The following TG variants were observed in gnomAD, a reference collection of about 807,000 sequenced individuals.
TG encodes the protein thyroglobulin, also known as thyroid hormones.
In TG, 270 loss-of-function variants were observed where a neutral mutation model predicts 324.7. The ratio of observed to expected loss-of-function variants is 0.83; its 90% CI spans 0.75 to 0.92. TG has a LOEUF of 0.92. Ranked by LOEUF, TG falls within the 40% of genes least tolerant of loss-of-function variation. The pLI is 0.00. For missense variants in TG, 3,591 were observed against 3,456.4 expected (o/e 1.04, Z -0.98); for synonymous variants, 1,401 against 1,327.0 (o/e 1.06, Z -1.21).
intron 41 of TG, chr8:133,037,787 G>A (rs1471299169): frequency 3.3e-5 from 5 of 152,220 alleles, no homozygotes; most frequent in African/African-American, 1.2e-4. Context: ...CATGGCTGCA[G>A]ACATCAGGGA....
intron 29 of TG, among the ~76,000 whole-genome samples, chr8:132,963,998 G>T (rs1056918389): frequency 6.6e-6 from 1 of 151,946 alleles, no homozygotes; most frequent in Non-Finnish European, 1.5e-5. Context: ...CAACCACTTG[G>T]CACAGTGCCT....
At chr8:133,060,147 A>T in intron 41 of TG, 1 of 1,612,684 alleles carries the variant, frequency 6.2e-7, no homozygotes, top group Non-Finnish European at 8.5e-7. Flanking sequence ...GGTGGATTTC[A>T]TGCTGTTTCC....
Position 132,963,016 on chromosome 8 carries a change from T to G in TG, c.5490T>G (p.Pro1830=). 1.2e-6 allele frequency: 2 copies of G among 1,614,002 alleles called. No homozygotes were observed. Among genetic ancestry groups the G allele is most frequent in the Non-Finnish European group, 1.7e-6 (2 of 1,179,900 alleles). The change falls in exon 29 of 48, where the codon CCT becomes CCG. Residue 1830 remains proline, a synonymous_variant. Transcript: ENST00000220616. ...LWKDSDMGSR[P]ESMGCRKDTV... is the part of the protein sequence containing the mutation. ...TAGATTCTGACATGGGGTCTCGGCC[T>G]GAGTCTATGGGATGTAGAAAAGACA...
intron 35 of TG, among the ~76,000 whole-genome samples, chr8:132,992,100 C>G (rs1256731230): frequency 6.6e-6 from 1 of 152,104 alleles, no homozygotes; most frequent in African/African-American, 2.4e-5. Context: ...TGCCTTTCCC[C>G]TTTGTTCAGT....
intron 2 of TG, among the ~76,000 whole-genome samples, chr8:132,868,677 G>A (rs1839198118): frequency 1.3e-5 from 2 of 152,112 alleles, no homozygotes; most frequent in South Asian, 2.1e-4. Flanking sequence ...GACCCTGCCC[G>A]GACTAGCTCT....
intron 27 of TG, 112 bp downstream of exon 27, chr8:132,949,055 A>G (rs1375139979): frequency 2.8e-5 from 2 of 70,268 alleles, no homozygotes; most frequent in East Asian, 6.3e-4. Flanking sequence ...TATACTTCTG[A>G]AAAAAAAAAA....
chr8:132,925,723 G>A (rs865909), intron 22 of TG, among the ~76,000 whole-genome samples: 61,457 of 151,984 alleles, frequency 0.4, 15,166 homozygotes, highest in Admixed American at 0.53. Context: ...CTTGCCCTGC[G>A]GCCCTGGTGA....
intron 34 of TG, among the ~76,000 whole-genome samples, chr8:132,974,823 G>A (rs1214042756): frequency 2.0e-5 from 3 of 152,118 alleles, no homozygotes; most frequent in Admixed American, 1.3e-4. Flanking sequence ...TCTGGTGCTC[G>A]GCCCTTGCTC....
intron 2 of TG, 77 bp downstream of exon 2, chr8:132,868,300 T>C (rs1202889035): frequency 1.5e-6 from 2 of 1,343,878 alleles, no homozygotes; most frequent in Non-Finnish European, 2.1e-6. Flanking sequence ...CCCCTCTTCC[T>C]GAGCTCTGCC....
intron 37 of TG, among the ~76,000 whole-genome samples, chr8:133,015,998 A>G (rs1834993789): frequency 6.9e-6 from 1 of 144,256 alleles, no homozygotes; most frequent in African/African-American, 2.6e-5. Context: ...CCACTCATTC[A>G]TTCATTTACT....
chr8:133,128,302 C>G (rs17705719), intron 45 of TG, among the ~76,000 whole-genome samples: 1 of 146,294 alleles, frequency 6.8e-6, no homozygotes, highest in Non-Finnish European at 1.5e-5. Context: ...CCTCACTGGA[C>G]GGCATTCAAA....
chr8:133,120,380 G>A (rs1851047242), intron 45 of TG, among the ~76,000 whole-genome samples: 2 of 152,196 alleles, frequency 1.3e-5, no homozygotes, highest in Non-Finnish European at 2.9e-5. Flanking sequence ...GCCCTACCTG[G>A]ATCACTTTCA....
At chr8:133,024,318 CTTTCTTTCT>C (rs1835831157) in intron 40 of TG, among the ~76,000 whole-genome samples, 1 of 33,976 alleles carries the variant, frequency 2.9e-5, no homozygotes, top group Non-Finnish European at 6.5e-5. Flanking sequence ...TTCTTTCTTT[CTTTCTTTCT>C]TTCTTTCTTT....
In TG at chr8:132,887,316, C is replaced by A; in HGVS notation, c.1944C>A (p.Gly648=). 6.2e-7 allele frequency: 1 copy of A among 1,608,176 alleles called. No homozygotes were observed. Among genetic ancestry groups the A allele is most frequent in the Non-Finnish European group, 8.5e-7 (1 of 1,175,550 alleles). The part of the protein sequence containing the change: ...CVNSWGKELP[G]SRVRGGQPRC... ...ATTCCTGGGGCAAAGAGCTTCCAGG[C>A]TCAAGAGTCAGAGGTGGACAGCCAA... Residue 648 remains glycine, a synonymous_variant, in exon 9 of 48, where the codon GGC becomes GGA. Coordinates refer to ENST00000220616, the MANE Select transcript of TG (RefSeq NM_003235.5).
intron 5 of TG, among the ~76,000 whole-genome samples, chr8:132,876,431 A>AT (rs796067450): frequency 2.8e-4 from 43 of 152,002 alleles, no homozygotes; most frequent in South Asian, 6.2e-4. Context: ...ATCTAAGGGG[A>AT]TTTTTTTTGA....
Position 133,050,908 on chromosome 8 carries a change from A to C in TG, c.7239+20885A>C, listed in dbSNP as rs756605930. 29 of 1,611,228 alleles carry C rather than the reference A, an allele frequency of 1.8e-5. No individual in the cohort carries two copies. The Admixed American group carries it at 2.3e-4, about 13-fold the overall frequency. ...CACTTAGCACGGCAAGGAAGTCGCT[A>C]TCCAGTCCTGGGGAAACAAAGGCAA... is the stretch of plus-strand genomic sequence containing the variant. On this transcript the variant is annotated intron_variant, in intron 41 of 47. Coordinates refer to ENST00000220616, the MANE Select transcript of TG (RefSeq NM_003235.5).
intron 26 of TG, among the ~76,000 whole-genome samples, chr8:132,941,782 CG>C (rs1361459771): frequency 5.9e-5 from 9 of 152,186 alleles, no homozygotes; most frequent in African/African-American, 2.2e-4. Flanking sequence ...GCTGTCTTTA[CG>C]GGGCATATTG....
intron 45 of TG, among the ~76,000 whole-genome samples, chr8:133,117,549 G>A (rs1451067513): frequency 1.3e-5 from 2 of 152,162 alleles, no homozygotes; most frequent in Non-Finnish European, 2.9e-5. Context: ...TCCCACTGAG[G>A]CAGTGACTTC....
At chr8:133,089,189 C>T (rs1171682175) in intron 41 of TG, among the ~76,000 whole-genome samples, 1 of 152,202 alleles carries the variant, frequency 6.6e-6, no homozygotes, top group Non-Finnish European at 1.5e-5. Flanking sequence ...CCACTCCAGT[C>T]CATCCCACAG....
Sources: allele counts gnomAD v4.1 joint callset (sites outside exome capture counted in the v4.1 genomes callset), GRCh38; gene constraint gnomAD v4.1.1; transcripts MANE v1.5; gene names NCBI Gene and HGNC (gene_info 2026-07-23, HGNC 2026-07-21).